Variants in ZNF777 observed in about 807,000 individuals in gnomAD.
ZNF777 encodes the protein zinc finger protein 777.
In ZNF777, 7 loss-of-function variants were observed where a neutral mutation model predicts 72.1. The ratio of observed to expected loss-of-function variants is 0.10; its 90% CI spans 0.06 to 0.18. The LOEUF (loss-of-function observed/expected upper bound fraction) is 0.18. ZNF777 is among the 10% of genes least tolerant of loss of function. The pLI, the probability that ZNF777 is intolerant of heterozygous loss-of-function variation, is 1.00. For missense variants in ZNF777, 828 were observed against 1,128.6 expected, an observed-to-expected ratio of 0.73 and a Z score of 3.82; for synonymous variants, 545 against 483.5, an observed-to-expected ratio of 1.13 and a Z score of -1.67.
chr7:149,456,190 C>G (rs553513902), intron 1 of ZNF777, among the ~76,000 whole-genome samples, 153 bp from the exon 2 acceptor site: 7 of 152,232 alleles, frequency 4.6e-5, no homozygotes, highest in African/African-American at 1.4e-4. Context: ...GAGACCACAG[C>G]ACCAATTTAG....
At position 149,455,669 on chromosome 7, in the gene ZNF777, G is replaced by C; in HGVS notation, c.354C>G (p.Leu118=). The change falls in exon 2 of 6, where the codon CTC becomes CTG. Residue 118 remains leucine, a synonymous_variant. Coordinates refer to ENST00000247930, the MANE Select transcript of ZNF777 (RefSeq NM_015694.3). The surrounding 1 kb of genome is among the most constrained non-coding windows in gnomAD (Gnocchi z 4.2). ...CTTCCTGGTGGTGGGGGGAGTGGGAGAGAAGGGAGACTTCTTGTTCAGCAG... is the reference window on the plus strand; with the variant it reads ...CTTCCTGGTGGTGGGGGGAGTGGGACAGAAGGGAGACTTCTTGTTCAGCAG... ...PAAAEQEVSL[L]SHSPHHQEAP... is the part of the protein sequence containing the mutation. The C allele has an allele frequency of 6.4e-7, 1 of 1,567,228 alleles. No homozygotes were observed. The highest frequency in any genetic ancestry group is 8.6e-7 in the Non-Finnish European group (1 of 1,157,056).
At position 149,440,682 on chromosome 7, in the gene ZNF777, T is replaced by G. The variant is rs548904259; in HGVS notation, c.1088-3856A>C. 1.0e-3 allele frequency among the ~76,000 whole-genome samples: 152 copies of G among 150,770 alleles called. 3 individuals carry two copies. Among genetic ancestry groups the G allele is most frequent in the South Asian group, 9.9e-3 (47 of 4,752 alleles). Reference sequence around the variant, plus strand: ...AGCCTGTTGTTTTTTTGTTTTTTTTTTTTTTTTTTTAAATAATGGGAGATG... The same window carrying G: ...AGCCTGTTGTTTTTTTGTTTTTTTTGTTTTTTTTTTAAATAATGGGAGATG... On this transcript the variant is annotated intron_variant, in intron 4 of 5. Coordinates refer to ENST00000247930, the MANE Select transcript of ZNF777 (RefSeq NM_015694.3).
At chr7:149,441,523 C>T (rs1023235040) in intron 4 of ZNF777, among the ~76,000 whole-genome samples, 4 of 152,236 alleles carry the variant, frequency 2.6e-5, no homozygotes, top group African/African-American at 9.6e-5. Context: ...CAACTCTTAT[C>T]AACTATAAAT....
At chr7:149,457,766 A>C (rs547690111) in intron 1 of ZNF777, among the ~76,000 whole-genome samples, 1 of 152,372 alleles carries the variant, frequency 6.6e-6, no homozygotes, top group East Asian at 1.9e-4. Context: ...TCCAGCATTT[A>C]TTATGTGCCA....
chr7:149,459,644 C>T, intron 1 of ZNF777: 1 of 985,182 alleles, frequency 1.0e-6, no homozygotes, highest in Non-Finnish European at 1.2e-6. Context: ...CCGCACCGTG[C>T]CACGGATGCC....
intron 1 of ZNF777, chr7:149,459,742 G>C (rs1815108105): frequency 1.0e-6 from 1 of 985,100 alleles, no homozygotes; most frequent in Non-Finnish European, 1.2e-6. Flanking sequence ...GGAGAGCCGC[G>C]TCAGCGCCGC....
rs779889936 is a variant in ZNF777 at position 149,432,191 on chromosome 7, AAGG to A, written c.2078_2080del (p.Ser693del). 1 of 1,603,118 alleles carries A rather than the reference AAGG, an allele frequency of 6.2e-7. No individual in the cohort carries two copies. The highest frequency in any genetic ancestry group is 8.5e-7 in the Non-Finnish European group (1 of 1,179,350). ...GCTCTTGCCGCACAGGCTGCAGATG[AAGG>A]AGACCTCATGCTTGCCCGCGTGCAC... On this transcript the variant is annotated inframe_deletion, in exon 6 of 6. Coordinates refer to ENST00000247930, the MANE Select transcript of ZNF777 (RefSeq NM_015694.3).
chr7:149,458,759 C>G (rs921289057), intron 1 of ZNF777, among the ~76,000 whole-genome samples: 1 of 152,210 alleles, frequency 6.6e-6, no homozygotes, highest in African/African-American at 2.4e-5. Flanking sequence ...CCCGGTAAAC[C>G]TGCCGCTTAT....
At chr7:149,450,220 A>C (rs1446280112) in intron 4 of ZNF777, among the ~76,000 whole-genome samples, 1 of 152,208 alleles carries the variant, frequency 6.6e-6, no homozygotes, top group Admixed American at 6.5e-5. Flanking sequence ...GGCTTCAGAG[A>C]GCAACCATGC....
chr7:149,460,223 C>T lies in ZNF777; in HGVS notation c.-16+592G>A. Reference sequence around the variant, plus strand: ...CGCCGCTACTGCGCGCGGCCCCACGCAGGCCCGGCCGCCCGGCGCTCTCCG... The same window carrying T: ...CGCCGCTACTGCGCGCGGCCCCACGTAGGCCCGGCCGCCCGGCGCTCTCCG... On this transcript the variant is annotated intron_variant, in intron 1 of 5. Transcript: ENST00000247930. This position sits in a 1 kb window ranked among gnomAD's most constrained non-coding sequence, Gnocchi z 6.1. 1 of 435,656 alleles carries T rather than the reference C, an allele frequency of 2.3e-6. No individual in the cohort carries two copies. Among genetic ancestry groups the T allele is most frequent in the Non-Finnish European group, 3.0e-6 (1 of 330,722 alleles). 27.0% of individuals were successfully genotyped at this position (435,656 alleles called of 1,614,324 possible).
intron 4 of ZNF777, among the ~76,000 whole-genome samples, chr7:149,448,548 TATAC>T (rs1799652326): frequency 7.6e-6 from 1 of 131,714 alleles, no homozygotes; most frequent in Non-Finnish European, 1.6e-5. Context: ...TATATATAGT[TATAC>T]ATATAGTTAT....
chr7:149,459,493 C>A (rs1296056410), intron 1 of ZNF777, among the ~76,000 whole-genome samples: 1 of 152,164 alleles, frequency 6.6e-6, no homozygotes, highest in Non-Finnish European at 1.5e-5. Context: ...CAGCTGGGCG[C>A]TGCCCGGCCT....
chr7:149,453,943 T>C (rs1799773435), intron 3 of ZNF777, among the ~76,000 whole-genome samples, 168 bp downstream of exon 3: 1 of 152,204 alleles, frequency 6.6e-6, no homozygotes, highest in Admixed American at 6.5e-5. Context: ...GCCGCACTGA[T>C]GTGTGTGGGT....
intron 4 of ZNF777, among the ~76,000 whole-genome samples, chr7:149,441,156 T>C (rs971404637): frequency 1.3e-5 from 2 of 152,202 alleles, no homozygotes; most frequent in Admixed American, 6.5e-5. Context: ...TCAAAGAGTA[T>C]TGACAACCAA....
Position 149,432,235 on chromosome 7 carries a change from C to T in ZNF777, c.2037G>A (p.Leu679=). Residue 679 remains leucine, a synonymous_variant, in exon 6 of 6, where the codon TTG becomes TTA. Transcript: ENST00000247930. ...CCGCGTGCACGCGCTGATGGATCAC[C>T]AAGCTGATGTGCAGGCGGAAGCTCT... ...CKKSFRLHIS[L]VIHQRVHAGK... The T allele has an allele frequency of 6.2e-7, 1 of 1,605,170 alleles. No individual in the cohort carries two copies. The highest frequency in any genetic ancestry group is 8.5e-7 in the Non-Finnish European group (1 of 1,178,940).
chr7:149,450,546 G>C (rs904568400), intron 4 of ZNF777, among the ~76,000 whole-genome samples: 1 of 152,216 alleles, frequency 6.6e-6, no homozygotes, highest in Admixed American at 6.5e-5. Context: ...GTGCATATCT[G>C]CTGACTCCAC....
chr7:149,446,987 G>C (rs752237196), intron 4 of ZNF777, among the ~76,000 whole-genome samples: 11 of 152,146 alleles, frequency 7.2e-5, no homozygotes, highest in Non-Finnish European at 1.3e-4. Context: ...TCCTTCTCTA[G>C]AAATACCCAA....
Position 149,454,091 on chromosome 7 carries a change from G to A in ZNF777, c.973+20C>T, listed in dbSNP as rs369253912. On this transcript the variant is annotated intron_variant, in intron 3 of 5. Transcript: ENST00000247930. ...AGCTGGCGTCCAGGCAGCCCCCAGCGAGCGAAGGCTTCTCCTTACCCATGG... is the reference window on the plus strand; with the variant it reads ...AGCTGGCGTCCAGGCAGCCCCCAGCAAGCGAAGGCTTCTCCTTACCCATGG... The A allele has an allele frequency of 4.3e-5, 70 of 1,613,738 alleles. No homozygotes were observed. In the African/African-American group the frequency reaches 5.3e-4, roughly 12 times the overall value.
intron 4 of ZNF777, among the ~76,000 whole-genome samples, chr7:149,448,545 AGTT>A (rs1799652187): frequency 7.4e-6 from 1 of 134,542 alleles, no homozygotes; most frequent in African/African-American, 2.8e-5. Context: ...TTATATATAT[AGTT>A]ATACATATAG....
Sources: gnomAD v4.1 joint callset for allele counts (sites outside exome capture counted in the v4.1 genomes callset) on GRCh38, gnomAD v4.1.1 for gene constraint, Gnocchi (gnomAD v3.1) non-coding constraint, MANE v1.5 for transcripts, NCBI Gene and HGNC (gene_info 2026-07-23, HGNC 2026-07-21) for gene names.